The following IMPG1 variants were observed in gnomAD, a reference collection of about 807,000 sequenced individuals.
IMPG1 encodes the protein interphotoreceptor matrix proteoglycan of 150 kDa.
In IMPG1, 85 loss-of-function variants were observed where a neutral mutation model predicts 92.0. The ratio of observed to expected loss-of-function variants is 0.92; its 90% CI spans 0.78 to 1.11. The LOEUF (loss-of-function observed/expected upper bound fraction) is 1.11, where lower values mean the gene tolerates loss of function less well. Ranked by LOEUF, IMPG1 falls within the 50% of genes least tolerant of loss-of-function variation. IMPG1 has a pLI of 0.00. For synonymous variants in IMPG1, 367 were observed against 334.1 expected, an observed-to-expected ratio of 1.10 and a Z score of -1.08; for missense variants, 1,022 against 956.0, an observed-to-expected ratio of 1.07 and a Z score of -0.91.
intron 13 of IMPG1, among the ~76,000 whole-genome samples, chr6:75,949,531 T>C (rs1199451371): frequency 6.6e-6 from 1 of 152,224 alleles, no homozygotes; most frequent in African/African-American, 2.4e-5. Flanking sequence ...GGCTGCTCTG[T>C]CTATGGAGTA....
intron 12 of IMPG1, among the ~76,000 whole-genome samples, chr6:75,974,254 CTTTCTT>C (rs1251811101): frequency 6.6e-6 from 1 of 151,494 alleles, no homozygotes; most frequent in East Asian, 2.0e-4. Flanking sequence ...GACTTTCTTT[CTTTCTT>C]TCTCTCTCTT....
At chr6:75,971,383 G>T (rs1430772861) in intron 12 of IMPG1, among the ~76,000 whole-genome samples, 1 of 151,714 alleles carries the variant, frequency 6.6e-6, no homozygotes, top group African/African-American at 2.4e-5. Flanking sequence ...ACGAGTTAGT[G>T]GGTGCAGCGC....
chr6:75,950,123 G>T lies in IMPG1; in HGVS notation c.1824+439C>A, dbSNP rs138940043. 5.7e-3 allele frequency among the ~76,000 whole-genome samples: 865 copies of T among 152,210 alleles called. 5 individuals carry two copies. The highest frequency in any genetic ancestry group is 9.5e-3 in the Non-Finnish European group (648 of 67,996). ...TTTTTAGGTTTACAAGAACTTAAGG[G>T]GAACTAAGAAAGGAACCCTTACTCC... On this transcript the variant is annotated intron_variant, in intron 13 of 16. Transcript: ENST00000369950.
chr6:76,064,417 A>G (rs1292702180), intron 1 of IMPG1, among the ~76,000 whole-genome samples: 1 of 144,516 alleles, frequency 6.9e-6, no homozygotes, highest in East Asian at 2.0e-4. Flanking sequence ...GAGCTTGGAG[A>G]TAGGCAGTGG....
intron 7 of IMPG1, among the ~76,000 whole-genome samples, chr6:76,013,602 G>A (rs112221437): frequency 2.0e-5 from 3 of 152,040 alleles, no homozygotes; most frequent in Non-Finnish European, 2.9e-5. Flanking sequence ...TGAGGTACAT[G>A]TCAGTTTCCC....
intron 12 of IMPG1, among the ~76,000 whole-genome samples, chr6:75,985,242 T>A (rs551054382): frequency 4.2e-4 from 64 of 152,342 alleles, no homozygotes; most frequent in African/African-American, 1.5e-3. Flanking sequence ...AGATTCTGAA[T>A]GATATGGATC....
At chr6:75,924,721 A>T (rs1441167016) in intron 15 of IMPG1, among the ~76,000 whole-genome samples, 3,678 of 10,888 alleles carry the variant, frequency 0.34, 1,455 homozygotes, top group East Asian at 0.68. Context: ...ATAATATATA[A>T]TATAATTATA....
At chr6:75,980,344 A>G (rs143548181) in intron 12 of IMPG1, among the ~76,000 whole-genome samples, 1,643 of 152,356 alleles carry the variant, frequency 0.011, 33 homozygotes, top group African/African-American at 0.038. Context: ...CATGGAAGAC[A>G]GTAGGATATT....
chr6:76,014,996 C>G (rs1280330930), intron 7 of IMPG1, among the ~76,000 whole-genome samples: 1 of 152,178 alleles, frequency 6.6e-6, no homozygotes, highest in Non-Finnish European at 1.5e-5. Flanking sequence ...GGAGCACTAA[C>G]CACTAAATTG....
Position 76,018,742 on chromosome 6 carries a change from C to T in IMPG1, c.783G>A (p.Glu261=). The change falls in exon 7 of 17, where the codon GAG becomes GAA. Residue 261 remains glutamate (E), a synonymous_variant. Transcript: ENST00000369950. ...CCTGAAGTTGGGACTTTCCTGCTAGCTCCTGGTAATATGGGGACTGGGAGT... is the reference window on the plus strand; with the variant it reads ...CCTGAAGTTGGGACTTTCCTGCTAGTTCCTGGTAATATGGGGACTGGGAGT... ...LADSQSPYYQ[E]LAGKSQLQMQ... is the part of the protein sequence containing the mutation. 6.2e-7 allele frequency: 1 copy of T among 1,613,300 alleles called. No homozygotes were observed. The highest frequency in any genetic ancestry group is 8.5e-7 in the Non-Finnish European group (1 of 1,179,676).
intron 4 of IMPG1, among the ~76,000 whole-genome samples, chr6:76,032,283 G>A (rs922478833): frequency 7.4e-6 from 1 of 134,446 alleles, no homozygotes; most frequent in Non-Finnish European, 1.6e-5. Context: ...TTTTCTTATG[G>A]ATGGACCCTG....
chr6:75,943,658 C>T (rs1481813126), intron 14 of IMPG1, among the ~76,000 whole-genome samples: 1 of 152,238 alleles, frequency 6.6e-6, no homozygotes, highest in Non-Finnish European at 1.5e-5. Flanking sequence ...TCTCCCCAGC[C>T]CTGGACCTTA....
At chr6:76,068,537 C>G (rs1025329103) in intron 1 of IMPG1, among the ~76,000 whole-genome samples, 4 of 108,278 alleles carry the variant, frequency 3.7e-5, no homozygotes, top group Admixed American at 2.4e-4. Context: ...TTTTTGGAGA[C>G]AGAGTCTTTC....
At position 75,921,215 on chromosome 6, in the gene IMPG1, A is replaced by C. The variant is rs188010605; in HGVS notation, c.*874T>G. ...AGAGACAGATTCATTTTCATTAAGC[A>C]GCACATAAAAAATGGACTGAATTGG... On this transcript the variant is annotated 3_prime_UTR_variant, in exon 17 of 17. Transcript: ENST00000369950. 4.6e-5 allele frequency: 7 copies of C among 152,342 alleles called. No individual in the cohort carries two copies. The highest frequency in any genetic ancestry group is 4.6e-4 in the Admixed American group (7 of 15,298). 9.4% of individuals were successfully genotyped at this position (152,342 alleles called of 1,614,324 possible). A position where few individuals can be genotyped will look rare whatever the true frequency, so the allele number is the denominator to read the frequency against.
intron 12 of IMPG1, among the ~76,000 whole-genome samples, chr6:75,955,074 T>G (rs1417724785): frequency 1.3e-5 from 2 of 152,220 alleles, no homozygotes; most frequent in African/African-American, 2.4e-5. Flanking sequence ...TCTTTTTGCT[T>G]AGAATTATCT....
At chr6:76,019,036 A>T (rs1349363156) in intron 6 of IMPG1, among the ~76,000 whole-genome samples, 178 bp from the exon 7 acceptor site, 1 of 152,174 alleles carries the variant, frequency 6.6e-6, no homozygotes, top group Non-Finnish European at 1.5e-5. Flanking sequence ...TAATGAGAAA[A>T]TTTGTGCTTA....
At position 75,996,958 on chromosome 6, in the gene IMPG1, A is replaced by G. The variant is rs527589688; in HGVS notation, c.1291+5960T>C. ...TCTCTTCACTAGAGGGCAGAAAGTC[A>G]GAAAAATTTTCTTGGGAATTGCCAA... is the stretch of plus-strand genomic sequence containing the variant. On this transcript the variant is annotated intron_variant, in intron 12 of 16. Coordinates refer to ENST00000369950, the MANE Select transcript of IMPG1 (RefSeq NM_001563.4). Among the ~76,000 whole-genome samples, 130 of 152,360 alleles carry G rather than the reference A, an allele frequency of 8.5e-4. 1 individual carries two copies. The highest frequency in any genetic ancestry group is 1.8e-3 in the Admixed American group (27 of 15,304).
At position 75,945,701 on chromosome 6, in the gene IMPG1, C is replaced by T. The variant is rs576845356; in HGVS notation, c.2044+1613G>A. On this transcript the variant is annotated intron_variant, in intron 14 of 16. Coordinates refer to ENST00000369950, the MANE Select transcript of IMPG1 (RefSeq NM_001563.4). ...GAAATTGAGTGCTGCAGTTACCACA[C>T]AAGATTCAACATTTAGGGCTGGGGA... Among the ~76,000 whole-genome samples the T allele has an allele frequency of 2.0e-5, 3 of 152,176 alleles. No individual in the cohort carries two copies. In the South Asian group the frequency reaches 6.2e-4, roughly 32 times the overall value.
chr6:76,021,798 T>TATATAC (rs1169030839), intron 6 of IMPG1, among the ~76,000 whole-genome samples: 1 of 140,724 alleles, frequency 7.1e-6, no homozygotes, highest in African/African-American at 2.6e-5. Flanking sequence ...TATATATATA[T>TATATAC]ATATGGTTTT....
Sources: gnomAD v4.1 joint callset for allele counts (sites outside exome capture counted in the v4.1 genomes callset) on GRCh38, gnomAD v4.1.1 for gene constraint, MANE v1.5 for transcripts, NCBI Gene and HGNC (gene_info 2026-07-23, HGNC 2026-07-21) for gene names.